The following DMRT3 variants were observed in gnomAD, a reference collection of about 807,000 sequenced individuals.
DMRT3 encodes the protein doublesex- and mab-3-related transcription factor 3.
DMRT3 carries 29 observed loss-of-function variants against 34.9 expected under a neutral mutation model. The ratio of observed to expected loss-of-function variants is 0.83; its 90% confidence interval spans 0.62 to 1.13. The LOEUF is 1.13. DMRT3 is among the 50% of genes most tolerant of loss of function. DMRT3 has a pLI of 0.00. For synonymous variants in DMRT3, 350 were observed against 286.0 expected, an observed-to-expected ratio of 1.22 and a Z score of -2.26; for missense variants, 772 against 629.1, an observed-to-expected ratio of 1.23 and a Z score of -2.43.
At chr9:986,724 C>T (rs1308895736) in intron 1 of DMRT3, among the ~76,000 whole-genome samples, 1 of 151,972 alleles carries the variant, frequency 6.6e-6, no homozygotes, top group Admixed American at 6.6e-5. Flanking sequence ...AACCCTGTCT[C>T]TACTACAAAT....
intron 1 of DMRT3, among the ~76,000 whole-genome samples, chr9:986,983 A>T (rs1586685317): frequency 6.6e-6 from 1 of 152,186 alleles, no homozygotes; most frequent in South Asian, 2.1e-4. Context: ...TTGCTTAAAA[A>T]AATCTCTTCA....
intron 1 of DMRT3, among the ~76,000 whole-genome samples, chr9:984,270 T>C (rs1820255868): frequency 6.6e-6 from 1 of 152,216 alleles, no homozygotes; most frequent in African/African-American, 2.4e-5. Context: ...TGACAATCTA[T>C]GTTTCAAAAT....
At chr9:988,644 G>T (rs1340297044) in intron 1 of DMRT3, among the ~76,000 whole-genome samples, 1 of 152,166 alleles carries the variant, frequency 6.6e-6, no homozygotes, top group South Asian at 2.1e-4. Flanking sequence ...GGAGAAGATT[G>T]TTTCTAGAGG....
chr9:985,298 CG>C (rs1820269917), intron 1 of DMRT3, among the ~76,000 whole-genome samples: 1 of 152,090 alleles, frequency 6.6e-6, no homozygotes, highest in Non-Finnish European at 1.5e-5. Context: ...ACCCATCTAC[CG>C]GGGTAAAAAT....
At chr9:980,597 T>C (rs1317937223) in intron 1 of DMRT3, among the ~76,000 whole-genome samples, 2 of 116,342 alleles carry the variant, frequency 1.7e-5, no homozygotes, top group African/African-American at 5.3e-5. Flanking sequence ...GCTATATATG[T>C]GTGTGTATAT....
intron 1 of DMRT3, among the ~76,000 whole-genome samples, chr9:987,784 G>A (rs185055943): frequency 2.4e-3 from 365 of 152,248 alleles, no homozygotes; most frequent in African/African-American, 8.5e-3. Context: ...CTGTTTAGAA[G>A]TACATAGTAT....
rs1820151426 is a variant in DMRT3 at position 976,742 on chromosome 9, C to G, written c.-260C>G. 6.6e-6 allele frequency among the ~76,000 whole-genome samples: 1 copy of G among 152,170 alleles called. No individual in the cohort carries two copies. Among genetic ancestry groups the G allele is most frequent in the Non-Finnish European group, 1.5e-5 (1 of 68,028 alleles). On this transcript the variant is annotated 5_prime_UTR_variant, in exon 1 of 2. Transcript: ENST00000190165. The surrounding 1 kb of genome is among the most constrained non-coding windows in gnomAD (Gnocchi z 4.5). Reference sequence around the variant, plus strand: ...CCTCCGCGAAGGAGGACGTGCCGACCCGGCTGCGCGCCCAAGGCAGAGGCC... The same window carrying G: ...CCTCCGCGAAGGAGGACGTGCCGACGCGGCTGCGCGCCCAAGGCAGAGGCC...
Position 981,231 on chromosome 9 carries a change from C to T in DMRT3, c.454+3776C>T, listed in dbSNP as rs533830511. On this transcript the variant is annotated intron_variant, in intron 1 of 1. Transcript: ENST00000190165. ...TGCTTGCCTCTGGGCTTTTCTGCTCCGGCTTGACTGGGTCCCGCAAAGTCC... is the reference window on the plus strand; with the variant it reads ...TGCTTGCCTCTGGGCTTTTCTGCTCTGGCTTGACTGGGTCCCGCAAAGTCC... 2.7e-4 allele frequency among the ~76,000 whole-genome samples: 41 copies of T among 152,066 alleles called. 1 individual carries two copies. Among genetic ancestry groups the T allele is most frequent in the African/African-American group, 8.2e-4 (34 of 41,478 alleles).
Position 977,312 on chromosome 9 carries a change from TCGCCGCCCCGCAGC to T in DMRT3, c.319_332del (p.Pro107SerfsTer44). ...GGGCCCCCGCCGCCGGGGGACGCCG[TCGCCGCCCCGCAGC>T]CGCCGCCAGCCTCTCAGCCGTCGCA... On this transcript the variant is annotated frameshift_variant, in exon 1 of 2. Coordinates refer to ENST00000190165, the MANE Select transcript of DMRT3 (RefSeq NM_021240.4). LOFTEE classifies it high-confidence loss of function. The T allele has an allele frequency of 7.5e-7, 1 of 1,325,264 alleles. No individual in the cohort carries two copies. The highest frequency in any genetic ancestry group is 1.5e-5 in the African/African-American group (1 of 65,104). 82.1% of individuals were successfully genotyped at this position (1,325,264 alleles called of 1,614,324 possible). A position where few individuals can be genotyped will look rare whatever the true frequency, so the allele number is the denominator to read the frequency against.
chr9:987,331 T>C (rs1040387622), intron 1 of DMRT3, among the ~76,000 whole-genome samples: 2 of 152,182 alleles, frequency 1.3e-5, no homozygotes, highest in Non-Finnish European at 2.9e-5. Flanking sequence ...CTTATTTCAC[T>C]TAGCCTAATG....
chr9:986,890 CAA>C (rs5895884), intron 1 of DMRT3, among the ~76,000 whole-genome samples: 3 of 138,736 alleles, frequency 2.2e-5, no homozygotes, highest in Non-Finnish European at 3.1e-5. Context: ...GACTCTGTCT[CAA>C]AAAAAAAAAA....
intron 1 of DMRT3, among the ~76,000 whole-genome samples, chr9:979,525 C>G (rs1204689435): frequency 6.6e-6 from 1 of 152,108 alleles, no homozygotes; most frequent in African/African-American, 2.4e-5. Flanking sequence ...CTGGTCACCC[C>G]CACCCCCCCA....
Position 976,987 on chromosome 9 carries a change from T to G in DMRT3, c.-15T>G. The G allele has an allele frequency of 6.8e-7, 1 of 1,470,530 alleles. No individual in the cohort carries two copies. The highest frequency in any genetic ancestry group is 9.0e-7 in the Non-Finnish European group (1 of 1,108,720). 91.1% of individuals were successfully genotyped at this position (1,470,530 alleles called of 1,614,324 possible). On this transcript the variant is annotated 5_prime_UTR_variant, in exon 1 of 2. It adds an upstream start codon to the 5' untranslated region. Coordinates refer to ENST00000190165, the MANE Select transcript of DMRT3 (RefSeq NM_021240.4). The surrounding 1 kb of genome is among the most constrained non-coding windows in gnomAD (Gnocchi z 4.5). ...TCCCGCAGCCAGGCTGCCAACTCAT[T>G]CGGGAGCCCGGGGCATGAACGGCTA...
intron 1 of DMRT3, among the ~76,000 whole-genome samples, chr9:988,141 A>G (rs1347753956): frequency 6.6e-6 from 1 of 152,216 alleles, no homozygotes; most frequent in African/African-American, 2.4e-5. Flanking sequence ...TTCTCTTACA[A>G]AAATAGAGTC....
chr9:985,327 A>G (rs1425981316), intron 1 of DMRT3, among the ~76,000 whole-genome samples: 1 of 152,150 alleles, frequency 6.6e-6, no homozygotes, highest in Admixed American at 6.6e-5. Flanking sequence ...GTTGATATAC[A>G]CTCTTAATGT....
At chr9:978,152 C>G (rs1344717386) in intron 1 of DMRT3, among the ~76,000 whole-genome samples, 1 of 152,198 alleles carries the variant, frequency 6.6e-6, no homozygotes, top group Non-Finnish European at 1.5e-5. Flanking sequence ...CCAGAATTCA[C>G]TCCTTTGCAG....
chr9:987,196 C>T (rs1273155087), intron 1 of DMRT3, among the ~76,000 whole-genome samples: 2 of 152,120 alleles, frequency 1.3e-5, no homozygotes, highest in Non-Finnish European at 2.9e-5. Context: ...ACCCATGAAA[C>T]AATAACTCCC....
At chr9:989,111 A>T (rs933178539) in intron 1 of DMRT3, among the ~76,000 whole-genome samples, 1 of 151,990 alleles carries the variant, frequency 6.6e-6, no homozygotes, top group Non-Finnish European at 1.5e-5. Flanking sequence ...TCTTCTTTTC[A>T]TATAATATAA....
intron 1 of DMRT3, 146 bp from the exon 2 acceptor site, chr9:989,895 A>AT (rs1051151395): frequency 6.5e-6 from 7 of 1,073,318 alleles, no homozygotes; most frequent in Admixed American, 5.4e-5. Context: ...TATAGTTCGA[A>AT]TTTTTTTAAA....
Sources: allele counts gnomAD v4.1 joint callset (sites outside exome capture counted in the v4.1 genomes callset), GRCh38; gene constraint gnomAD v4.1.1; non-coding constraint Gnocchi (gnomAD v3.1); transcripts MANE v1.5; gene names NCBI Gene and HGNC (gene_info 2026-07-23, HGNC 2026-07-21).